SMIM23: variants seen among roughly 807,000 people sequenced by gnomAD.
The protein encoded by SMIM23 is CTB-78H18.1.
A neutral mutation model predicts 12.8 loss-of-function variants in SMIM23; 10 were observed. The observed-to-expected ratio is 0.78, with a 90% CI of 0.48 to 1.32. SMIM23 has a LOEUF of 1.32. Ranked by LOEUF, SMIM23 falls within the 40% of genes most tolerant of loss-of-function variation. The pLI is 0.00. For synonymous variants in SMIM23, 78 were observed against 80.1 expected (o/e 0.97, Z 0.14); for missense variants, 184 against 198.2 (o/e 0.93, Z 0.43).
upstream of SMIM23, among the ~76,000 whole-genome samples, chr5:171,784,897 G>C (rs1041653142): frequency 2.0e-5 from 3 of 152,138 alleles, no homozygotes; most frequent in Admixed American, 6.5e-5. Context: ...TGAATTTCCA[G>C]GGAATTATAC....
At chr5:171,779,490 T>C (rs1755690587), upstream of SMIM23, among the ~76,000 whole-genome samples, 1 of 152,052 alleles carries the variant, frequency 6.6e-6, no homozygotes, top group Non-Finnish European at 1.5e-5. Context: ...CAGGCCCAGG[T>C]TGTGAGGTCT....
chr5:171,786,527 C>T lies in SMIM23; in HGVS notation c.105+551C>T, dbSNP rs562320110. On this transcript the variant is annotated intron_variant, in intron 1 of 3. Coordinates refer to ENST00000523047, the MANE Select transcript of SMIM23 (RefSeq NM_001289970.2). ...TATCAGGATTTGAAAACACATCCAT[C>T]TGATTTTAGAACTCCCTGAAACCAG... is the stretch of plus-strand genomic sequence containing the variant. Among the ~76,000 whole-genome samples, 56 of 152,302 alleles carry T rather than the reference C, an allele frequency of 3.7e-4. 1 individual carries two copies. Among genetic ancestry groups the T allele is most frequent in the African/African-American group, 1.2e-3 (48 of 41,564 alleles).
the SMIM23 span, among the ~76,000 whole-genome samples, chr5:171,776,211 C>T: frequency 6.9e-6 from 1 of 144,066 alleles, no homozygotes; most frequent in African/African-American, 2.6e-5. Flanking sequence ...GATGGAAGAA[C>T]AGAGACCTCT....
upstream of SMIM23, among the ~76,000 whole-genome samples, chr5:171,778,456 C>T (rs200973991): frequency 1.7e-5 from 2 of 120,628 alleles, no homozygotes; most frequent in East Asian, 4.1e-4. Context: ...TTCACACACA[C>T]ACACACACAC....
upstream of SMIM23, among the ~76,000 whole-genome samples, chr5:171,784,905 T>C (rs1295078631): frequency 6.6e-6 from 1 of 152,208 alleles, no homozygotes; most frequent in Non-Finnish European, 1.5e-5. Context: ...CAGGGAATTA[T>C]ACTATGTTTT....
At chr5:171,781,336 C>T (rs1755721985), upstream of SMIM23, among the ~76,000 whole-genome samples, 1 of 152,166 alleles carries the variant, frequency 6.6e-6, no homozygotes, top group Admixed American at 6.5e-5. Flanking sequence ...TACTAAGGAG[C>T]AGACAAGACA....
intron 1 of SMIM23, among the ~76,000 whole-genome samples, chr5:171,786,941 G>A (rs1755828833): frequency 6.8e-6 from 1 of 147,766 alleles, no homozygotes; most frequent in Non-Finnish European, 1.5e-5. Context: ...CAACAAAGAA[G>A]TCTGCATAGC....
chr5:171,788,361 AT>A (rs1164576568), intron 1 of SMIM23, among the ~76,000 whole-genome samples: 2 of 152,200 alleles, frequency 1.3e-5, no homozygotes. Flanking sequence ...ACCATTTTTA[AT>A]TGGTAAAATT....
At chr5:171,773,697 G>C in the SMIM23 span, 1 of 440,104 alleles carries the variant, frequency 2.3e-6, no homozygotes, top group East Asian at 7.0e-5. Context: ...TAGCCAGCAA[G>C]AGCAGCCAGG....
In SMIM23 at chr5:171,785,923, G is replaced by T. The variant is rs1312116332; in HGVS notation, c.52G>T (p.Ala18Ser). 6.5e-7 allele frequency: 1 copy of T among 1,536,116 alleles called. No homozygotes were observed. The highest frequency in any genetic ancestry group is 8.7e-7 in the Non-Finnish European group (1 of 1,146,930). Residue 18 changes from alanine to serine, a missense_variant, in exon 1 of 4, where the codon GCA becomes TCA. Physicochemically the swap from Ala to Ser is moderately conservative, Grantham distance 99 (BLOSUM62 1). Coordinates refer to ENST00000523047, the MANE Select transcript of SMIM23 (RefSeq NM_001289970.2). ...SRRQVAAEQV[A>S]AQLLERRRGS... ...AAGGCAGGTGGCAGCAGAGCAGGTG[G>T]CAGCCCAGCTGCTTGAACGGAGAAG...
At chr5:171,778,728 C>T (rs559921697), upstream of SMIM23, among the ~76,000 whole-genome samples, 1 of 152,316 alleles carries the variant, frequency 6.6e-6, no homozygotes, top group South Asian at 2.1e-4. Flanking sequence ...TTCAAACCAT[C>T]CAGTTTGTAA....
chr5:171,773,817 GATTGT>G, the SMIM23 span: 1 of 456,336 alleles, frequency 2.2e-6, no homozygotes, highest in Non-Finnish European at 4.4e-6. Context: ...GTGAAATCTA[GATTGT>G]ATGAGAAAGC....
rs148238274 is a variant in SMIM23, at chr5:171,790,194, C to T, written c.106-36C>T. 1.6e-3 allele frequency: 2,455 copies of T among 1,532,684 alleles called. 24 individuals carry two copies. The South Asian group carries it at 0.017, about 10-fold the overall frequency. 94.9% of individuals were successfully genotyped at this position (1,532,684 alleles called of 1,614,324 possible). On this transcript the variant is annotated intron_variant, in intron 1 of 3. Coordinates refer to ENST00000523047, the MANE Select transcript of SMIM23 (RefSeq NM_001289970.2). ...GGGGGACCTGGAGAGAATTCATCCT[C>T]ATGTTCTTCCTCCTCTTCCTCTTCT... is the stretch of plus-strand genomic sequence containing the variant.
chr5:171,787,467 C>T (rs1755839845), intron 1 of SMIM23, among the ~76,000 whole-genome samples: 1 of 152,156 alleles, frequency 6.6e-6, no homozygotes, highest in Admixed American at 6.5e-5. Flanking sequence ...CTCCATGCAG[C>T]ACAGTATGGA....
In SMIM23 at chr5:171,791,013, G is replaced by C; in HGVS notation, c.444G>C (p.Trp148Cys). Reference protein sequence around the residue: ...CSTYKSHLWEWAWALGREHKG... With the variant: ...CSTYKSHLWECAWALGREHKG... Reference sequence around the variant, plus strand: ...CATATAAAAGTCACTTGTGGGAGTGGGCCTGGGCCCTGGGGAGAGAGCACA... The same window carrying C: ...CATATAAAAGTCACTTGTGGGAGTGCGCCTGGGCCCTGGGGAGAGAGCACA... Residue 148 changes from tryptophan (W) to cysteine (C), a missense_variant, in exon 4 of 4, where the codon TGG becomes TGC. Coordinates refer to ENST00000523047, the MANE Select transcript of SMIM23 (RefSeq NM_001289970.2). 1 of 1,535,128 alleles carries C rather than the reference G, an allele frequency of 6.5e-7. No homozygotes were observed. Among genetic ancestry groups the C allele is most frequent in the South Asian group, 1.2e-5 (1 of 84,028 alleles).
At chr5:171,774,069 A>G in the SMIM23 span, 2 of 356,454 alleles carry the variant, frequency 5.6e-6, no homozygotes. Context: ...TGTCTGACAA[A>G]GAGAAAAAAA....
At chr5:171,778,820 G>A (rs190119594), upstream of SMIM23, among the ~76,000 whole-genome samples, 8 of 152,106 alleles carry the variant, frequency 5.3e-5, no homozygotes, top group Non-Finnish European at 8.8e-5. Flanking sequence ...ATCCCACCAC[G>A]CAGGGTATAC....
At chr5:171,787,182 G>A (rs918644329) in intron 1 of SMIM23, among the ~76,000 whole-genome samples, 1 of 151,940 alleles carries the variant, frequency 6.6e-6, no homozygotes, top group East Asian at 1.9e-4. Context: ...ACCACACCCA[G>A]TTAATTTTTG....
At position 171,790,232 on chromosome 5, in the gene SMIM23, G is replaced by C; in HGVS notation, c.108G>C (p.Thr36=). Residue 36 remains threonine, a splice_region_variant and synonymous_variant, in exon 2 of 4, where the codon ACG becomes ACC. Coordinates refer to ENST00000523047, the MANE Select transcript of SMIM23 (RefSeq NM_001289970.2). ...CTCTTCCTCTTCTTGCACCCTAGAC[G>C]CTGTTGGCATTGCTGATCTTGGTGC... ...RGSHCDDEKQ[T]LLALLILVLY... 1 of 1,536,126 alleles carries C rather than the reference G, an allele frequency of 6.5e-7. No individual in the cohort carries two copies. The highest frequency in any genetic ancestry group is 8.7e-7 in the Non-Finnish European group (1 of 1,146,898).
Sources: gnomAD v4.1 joint callset for allele counts (sites outside exome capture counted in the v4.1 genomes callset) on GRCh38, gnomAD v4.1.1 for gene constraint, MANE v1.5 for transcripts, NCBI Gene and HGNC (gene_info 2026-07-23, HGNC 2026-07-21) for gene names.